Variants in MAPKAPK5 observed in about 807,000 individuals in gnomAD.
MAPKAPK5 encodes MAP kinase-activated protein kinase 5.
In MAPKAPK5, 30 loss-of-function variants were observed where a neutral mutation model predicts 65.1. The observed-to-expected ratio is 0.46, with a 90% CI of 0.34 to 0.63. MAPKAPK5 has a LOEUF of 0.63. Among genes scored for constraint, MAPKAPK5 ranks in the 20% least tolerant of loss-of-function variants. MAPKAPK5 has a pLI of 0.01. For missense variants in MAPKAPK5, 433 were observed against 581.4 expected (o/e 0.74, Z 2.63); for synonymous variants, 179 against 204.6 (o/e 0.87, Z 1.07).
intron 1 of MAPKAPK5, among the ~76,000 whole-genome samples, chr12:111,843,913 C>T (rs1214547033): frequency 1.3e-5 from 2 of 151,818 alleles, no homozygotes; most frequent in South Asian, 2.1e-4. Context: ...CCTGGGTTCA[C>T]GCCATTCTCC....
At chr12:111,843,025 G>A (rs1251055918) in intron 1 of MAPKAPK5, 2 of 399,566 alleles carry the variant, frequency 5.0e-6, no homozygotes, top group African/African-American at 2.1e-5. Flanking sequence ...TGAGTGGCCT[G>A]GAGACACTAT....
intron 6 of MAPKAPK5, among the ~76,000 whole-genome samples, chr12:111,870,642 G>A (rs757779953): frequency 6.6e-6 from 1 of 152,146 alleles, no homozygotes; most frequent in South Asian, 2.1e-4. Flanking sequence ...TCTGTATGCT[G>A]TTATATATTA....
At chr12:111,849,652 A>C (rs2069009377) in intron 1 of MAPKAPK5, among the ~76,000 whole-genome samples, 1 of 152,218 alleles carries the variant, frequency 6.6e-6, no homozygotes, top group African/African-American at 2.4e-5. Context: ...TTTTCATTTT[A>C]TAATGGTGTC....
intron 1 of MAPKAPK5, among the ~76,000 whole-genome samples, chr12:111,858,904 T>C (rs1378192267): frequency 6.8e-6 from 1 of 148,030 alleles, no homozygotes; most frequent in East Asian, 2.1e-4. Flanking sequence ...AGAATTTCCA[T>C]GTGGTTCCTC....
intron 1 of MAPKAPK5, among the ~76,000 whole-genome samples, chr12:111,845,006 A>C (rs2068862183): frequency 6.6e-6 from 1 of 152,220 alleles, no homozygotes; most frequent in Admixed American, 6.5e-5. Flanking sequence ...TTAAAAGGGG[A>C]ACTATAGGAG....
rs1226941293 is a variant in MAPKAPK5 at position 111,898,948 on chromosome 12, C to T, written c.*5887C>T. 1 of 150,652 alleles carries T rather than the reference C, an allele frequency of 6.6e-6. No homozygotes were observed. The highest frequency in any genetic ancestry group is 6.7e-5 in the Admixed American group (1 of 14,914). The allele number at this position is 150,652 out of a possible 1,614,324, so 9.3% of individuals were successfully genotyped here. On this transcript the variant is annotated 3_prime_UTR_variant, in exon 14 of 14. Coordinates refer to ENST00000550735, the MANE Select transcript of MAPKAPK5 (RefSeq NM_003668.4). Reference sequence around the variant, plus strand: ...AAAGAATAATTTGCCTGAGGAGTTACAGTACTGGCTGGATCACTACAGGCC... The same window carrying T: ...AAAGAATAATTTGCCTGAGGAGTTATAGTACTGGCTGGATCACTACAGGCC...
At chr12:111,880,837 T>A (rs2070178696) in intron 8 of MAPKAPK5, among the ~76,000 whole-genome samples, 1 of 152,218 alleles carries the variant, frequency 6.6e-6, no homozygotes, top group African/African-American at 2.4e-5. Context: ...TCAGTCAGGT[T>A]ATTTTTTTGA....
chr12:111,886,103 C>A (rs2070395866), intron 10 of MAPKAPK5, 67 bp downstream of exon 10: 1 of 1,610,362 alleles, frequency 6.2e-7, no homozygotes, highest in African/African-American at 1.3e-5. Context: ...GGGCTTGGCT[C>A]AGTGAGGGGT....
Position 111,896,781 on chromosome 12 carries a change from T to C in MAPKAPK5, c.*3720T>C. The stretch of plus-strand genomic sequence containing the variant: ...TTGATGTAGTAAAAAAACTTGTCTC[T>C]CTCTGACTAATATGTATGAATATAG... On this transcript the variant is annotated 3_prime_UTR_variant, in exon 14 of 14. Transcript: ENST00000550735. 1 of 152,182 alleles carries C rather than the reference T, an allele frequency of 6.6e-6. No individual in the cohort carries two copies. Among genetic ancestry groups the C allele is most frequent in the East Asian group, 1.9e-4 (1 of 5,188 alleles). The allele number at this position is 152,182 out of a possible 1,614,324, so 9.4% of individuals were successfully genotyped here.
intron 10 of MAPKAPK5, among the ~76,000 whole-genome samples, chr12:111,886,760 C>T (rs2070416091): frequency 1.3e-5 from 2 of 152,104 alleles, no homozygotes; most frequent in Admixed American, 1.3e-4. Context: ...AGCTGAGAGG[C>T]CATAGTAGCT....
chr12:111,871,652 TAAATA>T (rs1216368727), intron 7 of MAPKAPK5, among the ~76,000 whole-genome samples: 4 of 151,932 alleles, frequency 2.6e-5, no homozygotes, highest in African/African-American at 9.7e-5. Context: ...CAAAAAAAAA[TAAATA>T]AAATAAAATA....
intron 1 of MAPKAPK5, among the ~76,000 whole-genome samples, chr12:111,851,365 G>A (rs997584658): frequency 6.6e-6 from 1 of 152,066 alleles, no homozygotes; most frequent in Non-Finnish European, 1.5e-5. Flanking sequence ...TGGCTCTGTT[G>A]TCCAGGTTGG....
At position 111,873,894 on chromosome 12, in the gene MAPKAPK5, G is replaced by A. The variant is rs1009380756; in HGVS notation, c.579+2714G>A. Among the ~76,000 whole-genome samples, 10 of 152,088 alleles carry A rather than the reference G, an allele frequency of 6.6e-5. 1 individual carries two copies. Among genetic ancestry groups the A allele is most frequent in the Admixed American group, 2.0e-4 (3 of 15,266 alleles). On this transcript the variant is annotated intron_variant, in intron 7 of 13. Transcript: ENST00000550735. ...AGCCTCCTGGGATTTGACTGGGGTGGTATTTAATCTATAGGTGAATTTGGA... is the reference window on the plus strand; with the variant it reads ...AGCCTCCTGGGATTTGACTGGGGTGATATTTAATCTATAGGTGAATTTGGA...
At chr12:111,855,704 G>A (rs776320573) in intron 1 of MAPKAPK5, among the ~76,000 whole-genome samples, 1 of 151,908 alleles carries the variant, frequency 6.6e-6, no homozygotes, top group Non-Finnish European at 1.5e-5. Context: ...GTGTGCACCT[G>A]TAGTCCCAGC....
In MAPKAPK5 at chr12:111,880,515, C is replaced by T; in HGVS notation, c.648C>T (p.Tyr216=). The change falls in exon 8 of 14, where the codon TAC becomes TAT. Residue 216 remains tyrosine, a synonymous_variant. Coordinates refer to ENST00000550735, the MANE Select transcript of MAPKAPK5 (RefSeq NM_003668.4). Reference sequence around the variant, plus strand: ...TCATACCTACCTCACCGACGCCCTACACTTACAACAAGGTACAGGAAGAGA... The same window carrying T: ...TCATACCTACCTCACCGACGCCCTATACTTACAACAAGGTACAGGAAGAGA... ...SGIIPTSPTP[Y]TYNKSCDLWS... 6.2e-7 allele frequency: 1 copy of T among 1,613,804 alleles called. No individual in the cohort carries two copies. Among genetic ancestry groups the T allele is most frequent in the Non-Finnish European group, 8.5e-7 (1 of 1,179,766 alleles).
At chr12:111,881,050 C>T (rs956852335) in intron 8 of MAPKAPK5, among the ~76,000 whole-genome samples, 4 of 152,092 alleles carry the variant, frequency 2.6e-5, no homozygotes, top group African/African-American at 4.8e-5. Context: ...GGTAATATTA[C>T]GGTTCTTAAT....
At chr12:111,863,058 G>GTACT (rs1290783959) in intron 1 of MAPKAPK5, among the ~76,000 whole-genome samples, 1 of 152,148 alleles carries the variant, frequency 6.6e-6, no homozygotes, top group Non-Finnish European at 1.5e-5. Flanking sequence ...TGATTGGGCA[G>GTACT]TACTTGTTCC....
chr12:111,901,474 T>TATC lies in MAPKAPK5; in HGVS notation c.*8416_*8418dup, dbSNP rs1206975565. The stretch of plus-strand genomic sequence containing the variant: ...GAACATGCTGTAGACATGATGATAT[T>TATC]ATCATTCATTATACTTTTTATAATA... On this transcript the variant is annotated 3_prime_UTR_variant, in exon 14 of 14. Coordinates refer to ENST00000550735, the MANE Select transcript of MAPKAPK5 (RefSeq NM_003668.4). 6.6e-6 allele frequency: 3 copies of TATC among 451,552 alleles called. No individual in the cohort carries two copies. The allele number at this position is 451,552 out of a possible 1,614,324, so 28.0% of individuals were successfully genotyped here.
chr12:111,852,668 T>C (rs1238688717), intron 1 of MAPKAPK5, among the ~76,000 whole-genome samples: 6 of 152,200 alleles, frequency 3.9e-5, no homozygotes, highest in African/African-American at 9.6e-5. Context: ...TATTATCTTA[T>C]CTATTAACGT....
Sources: allele counts gnomAD v4.1 joint callset (sites outside exome capture counted in the v4.1 genomes callset), GRCh38; gene constraint gnomAD v4.1.1; transcripts MANE v1.5; gene names NCBI Gene and HGNC (gene_info 2026-07-23, HGNC 2026-07-21).